The following MAP3K10 variants were observed in gnomAD, a reference collection of about 807,000 sequenced individuals.
MAP3K10 encodes MKN28 derived nonreceptor_type serine/threonine kinase.
In MAP3K10, 22 loss-of-function variants were observed where a neutral mutation model predicts 75.0. The ratio of observed to expected loss-of-function variants is 0.29; its 90% CI spans 0.21 to 0.42. The LOEUF is 0.42. Among genes scored for constraint, MAP3K10 ranks in the 10% least tolerant of loss-of-function variants. The pLI, the probability that MAP3K10 is intolerant of heterozygous loss-of-function variation, is 1.00. For synonymous variants in MAP3K10, 599 were observed against 612.9 expected, an observed-to-expected ratio of 0.98 and a Z score of 0.34; for missense variants, 1,165 against 1,379.8, an observed-to-expected ratio of 0.84 and a Z score of 2.47.
At position 40,213,055 on chromosome 19, in the gene MAP3K10, A is replaced by T. The variant is rs767406716; in HGVS notation, c.1725-21A>T. On this transcript the variant is annotated intron_variant, in intron 7 of 9. Coordinates refer to ENST00000253055, the MANE Select transcript of MAP3K10 (RefSeq NM_002446.4). This position sits in a 1 kb window ranked among gnomAD's most constrained non-coding sequence, Gnocchi z 5.7. ...TCCAGGCCACAGGACTGAGGTCTCCATCTCTCCCTGGACCCCGCAGGCTGA... is the reference window on the plus strand; with the variant it reads ...TCCAGGCCACAGGACTGAGGTCTCCTTCTCTCCCTGGACCCCGCAGGCTGA... 1.2e-6 allele frequency: 2 copies of T among 1,603,024 alleles called. No individual in the cohort carries two copies. Among genetic ancestry groups the T allele is most frequent in the East Asian group, 2.2e-5 (1 of 44,762 alleles).
In MAP3K10 at chr19:40,212,548, G is replaced by A. The variant is rs752360146; in HGVS notation, c.1553-257G>A. 1.1e-4 allele frequency among the ~76,000 whole-genome samples: 17 copies of A among 152,232 alleles called. No individual in the cohort carries two copies. Among genetic ancestry groups the A allele is most frequent in the South Asian group, 6.2e-4 (3 of 4,828 alleles). Reference sequence around the variant, plus strand: ...AGAATGAATGGTGAAGGGTTAGGCTGTGAAGAGGAGGGGAGGCTGGAGGAG... The same window carrying A: ...AGAATGAATGGTGAAGGGTTAGGCTATGAAGAGGAGGGGAGGCTGGAGGAG... On this transcript the variant is annotated intron_variant, in intron 6 of 9. Coordinates refer to ENST00000253055, the MANE Select transcript of MAP3K10 (RefSeq NM_002446.4). The surrounding 1 kb of genome is among the most constrained non-coding windows in gnomAD (Gnocchi z 4.2).
chr19:40,195,775 A>C (rs1462698101), intron 1 of MAP3K10, among the ~76,000 whole-genome samples: 1 of 152,046 alleles, frequency 6.6e-6, no homozygotes, highest in Non-Finnish European at 1.5e-5. Flanking sequence ...GATTACAGGC[A>C]TGAGCCACCG....
chr19:40,211,065 A>G (rs183821357), intron 6 of MAP3K10, among the ~76,000 whole-genome samples: 5 of 152,298 alleles, frequency 3.3e-5, no homozygotes, highest in Admixed American at 6.5e-5. Context: ...TGGAAGCCCT[A>G]TGGGAGGAGG....
intron 6 of MAP3K10, among the ~76,000 whole-genome samples, chr19:40,209,822 T>C (rs1199316829): frequency 6.6e-6 from 1 of 152,126 alleles, no homozygotes; most frequent in Non-Finnish European, 1.5e-5. Flanking sequence ...CAACAGCATA[T>C]GTTTAGATAT....
intron 9 of MAP3K10, 38 bp downstream of exon 9, chr19:40,214,259 CCTT>C (rs1347603826): frequency 3.7e-6 from 5 of 1,364,028 alleles, no homozygotes; most frequent in Non-Finnish European, 4.7e-6. Flanking sequence ...ACAGAAAACC[CCTT>C]CTTTCCTCCT....
chr19:40,213,416 G>T lies in MAP3K10; in HGVS notation c.1838-101G>T. The T allele has an allele frequency of 1.3e-6, 2 of 1,524,808 alleles. No individual in the cohort carries two copies. Among genetic ancestry groups the T allele is most frequent in the Admixed American group, 2.0e-5 (1 of 49,278 alleles). The allele number at this position is 1,524,808 out of a possible 1,614,324, so 94.5% of individuals were successfully genotyped here. A position where few individuals can be genotyped will look rare whatever the true frequency, so the allele number is the denominator to read the frequency against. On this transcript the variant is annotated intron_variant, in intron 8 of 9. Coordinates refer to ENST00000253055, the MANE Select transcript of MAP3K10 (RefSeq NM_002446.4). This position sits in a 1 kb window ranked among gnomAD's most constrained non-coding sequence, Gnocchi z 5.7. ...TCAAGAACGATGCTCGTGGGTCTTG[G>T]TCTTGCTGTTGGAGGGGTCATCGGG... is the stretch of plus-strand genomic sequence containing the variant.
Position 40,212,937 on chromosome 19 carries a change from G to C in MAP3K10, c.1685G>C (p.Ser562Thr). Residue 562 changes from serine to threonine, a missense_variant, in exon 7 of 10, where the codon AGC becomes ACC. This residue lies in a region of MAP3K10 where 575 missense variants were observed against 793.2 expected (regional missense o/e 0.72). Coordinates refer to ENST00000253055, the MANE Select transcript of MAP3K10 (RefSeq NM_002446.4). The surrounding 1 kb of genome is among the most constrained non-coding windows in gnomAD (Gnocchi z 4.2). ...GKKKGRTWGPSSTLQKERVGG... is the reference protein window; with the variant it reads ...GKKKGRTWGPTSTLQKERVGG... ...AAGAAGGGACGAACGTGGGGGCCCA[G>C]CTCCACCCTGCAGAAGGAGCGGGTG... 1.2e-6 allele frequency: 2 copies of C among 1,611,568 alleles called. No homozygotes were observed. The highest frequency in any genetic ancestry group is 1.7e-6 in the Non-Finnish European group (2 of 1,178,830).
Position 40,214,163 on chromosome 19 carries a change from G to T in MAP3K10, c.2484G>T (p.Thr828=). The T allele has an allele frequency of 6.6e-7, 1 of 1,520,400 alleles. No individual in the cohort carries two copies. The highest frequency in any genetic ancestry group is 8.8e-7 in the Non-Finnish European group (1 of 1,142,480). The allele number at this position is 1,520,400 out of a possible 1,614,324, so 94.2% of individuals were successfully genotyped here. A position where few individuals can be genotyped will look rare whatever the true frequency, so the allele number is the denominator to read the frequency against. ...CTGTGAGCCGCGGGCACCGGCGGAC[G>T]CCATCGGACGGGGCGCTGGGGCAGC... The part of the protein sequence containing the change: ...ACAVSRGHRR[T]PSDGALGQRG... The change falls in exon 9 of 10, where the codon ACG becomes ACT. Residue 828 remains threonine (T), a synonymous_variant. Coordinates refer to ENST00000253055, the MANE Select transcript of MAP3K10 (RefSeq NM_002446.4).
intron 9 of MAP3K10, among the ~76,000 whole-genome samples, chr19:40,214,550 T>C (rs1039494197): frequency 7.2e-5 from 11 of 152,218 alleles, no homozygotes; most frequent in African/African-American, 2.7e-4. Flanking sequence ...AGCAGTGTTA[T>C]TAAGTACCCA....
intron 1 of MAP3K10, among the ~76,000 whole-genome samples, chr19:40,193,513 A>C (rs1320908021): frequency 6.6e-6 from 1 of 152,204 alleles, no homozygotes; most frequent in Non-Finnish European, 1.5e-5. Context: ...ATGTGGTGTC[A>C]ACAAGTATTA....
chr19:40,209,705 C>T (rs1397454882), intron 6 of MAP3K10, among the ~76,000 whole-genome samples: 2 of 152,056 alleles, frequency 1.3e-5, no homozygotes, highest in African/African-American at 2.4e-5. Flanking sequence ...TGAGCCACCG[C>T]GCCCGGGCGC....
intron 5 of MAP3K10, among the ~76,000 whole-genome samples, chr19:40,206,879 A>G (rs1973132382): frequency 6.6e-6 from 1 of 152,114 alleles, no homozygotes; most frequent in South Asian, 2.1e-4. Context: ...AGATCACTTG[A>G]GGCTAGGAGT....
Position 40,213,680 on chromosome 19 carries a change from C to T in MAP3K10, c.2001C>T (p.Ala667=). The T allele has an allele frequency of 1.8e-6, 2 of 1,110,358 alleles. No homozygotes were observed. Among genetic ancestry groups the T allele is most frequent in the Non-Finnish European group, 2.2e-6 (2 of 906,878 alleles). 68.8% of individuals were successfully genotyped at this position (1,110,358 alleles called of 1,614,324 possible). A position where few individuals can be genotyped will look rare whatever the true frequency, so the allele number is the denominator to read the frequency against. ...SAPPARWGHG[A]RRRCDLALLG... is the part of the protein sequence containing the mutation. ...CCCCCGCTCGGTGGGGACACGGCGC[C>T]CGGCGGCGCTGCGACCTGGCGCTGC... The change falls in exon 9 of 10, where the codon GCC becomes GCT. Residue 667 remains alanine, a synonymous_variant. Transcript: ENST00000253055. This position sits in a 1 kb window ranked among gnomAD's most constrained non-coding sequence, Gnocchi z 5.7.
At position 40,192,222 on chromosome 19, in the gene MAP3K10, C is replaced by T; in HGVS notation, c.191C>T (p.Pro64Leu). 1 of 1,606,198 alleles carries T rather than the reference C, an allele frequency of 6.2e-7. No homozygotes were observed. The highest frequency in any genetic ancestry group is 1.1e-5 in the South Asian group (1 of 90,318). The stretch of plus-strand genomic sequence containing the variant: ...GAGGGCTGGTGGACCGGGCAGCTCC[C>T]CAGCGGCCGCGTGGGCGTCTTCCCC... ...GDEGWWTGQL[P>L]SGRVGVFPSN... The change falls in exon 1 of 10, where the codon CCC becomes CTC. Residue 64 changes from proline (P) to leucine (L), a missense_variant. Physicochemically the swap from Pro to Leu is moderately conservative, Grantham distance 98 (BLOSUM62 -3). Transcript: ENST00000253055. This position sits in a 1 kb window ranked among gnomAD's most constrained non-coding sequence, Gnocchi z 7.1.
At chr19:40,209,570 G>A (rs947555994) in intron 6 of MAP3K10, among the ~76,000 whole-genome samples, 8 of 151,798 alleles carry the variant, frequency 5.3e-5, no homozygotes, top group African/African-American at 9.7e-5. Context: ...ACATGACCAC[G>A]CCTGCCTAAT....
chr19:40,209,996 G>A (rs139087067), intron 6 of MAP3K10, among the ~76,000 whole-genome samples: 156 of 152,124 alleles, frequency 1.0e-3, no homozygotes, highest in African/African-American at 3.1e-3. Flanking sequence ...GGCCAGGCGC[G>A]GTGGCTCACG....
At chr19:40,202,896 A>G (rs1315243815) in intron 2 of MAP3K10, among the ~76,000 whole-genome samples, 1 of 152,232 alleles carries the variant, frequency 6.6e-6, no homozygotes, top group Non-Finnish European at 1.5e-5. Context: ...AGGAGAATGG[A>G]AAATTCATGC....
In MAP3K10 at chr19:40,214,002, TCCCC is replaced by T; in HGVS notation, c.2324_2327del (p.Ser775TyrfsTer46). On this transcript the variant is annotated frameshift_variant, in exon 9 of 10. Transcript: ENST00000253055. LOFTEE classifies it high-confidence loss of function. ...TGACGAGGCCGCACCGGCCGCGCCCTCCCCACCACCCTCCCCGCCCGCGCCCACA... is the reference window on the plus strand; with the variant it reads ...TGACGAGGCCGCACCGGCCGCGCCCTACCACCCTCCCCGCCCGCGCCCACA... 2.0e-5 allele frequency: 30 copies of T among 1,493,554 alleles called. No individual in the cohort carries two copies. Among genetic ancestry groups the T allele is most frequent in the East Asian group, 7.9e-5 (3 of 37,782 alleles). 92.5% of individuals were successfully genotyped at this position (1,493,554 alleles called of 1,614,324 possible). A position where few individuals can be genotyped will look rare whatever the true frequency, so the allele number is the denominator to read the frequency against.
rs1009690744 is a variant in MAP3K10 at position 40,205,772 on chromosome 19, G to T, written c.1189-139G>T. On this transcript the variant is annotated intron_variant, in intron 4 of 9. Coordinates refer to ENST00000253055, the MANE Select transcript of MAP3K10 (RefSeq NM_002446.4). This position sits in a 1 kb window ranked among gnomAD's most constrained non-coding sequence, Gnocchi z 4.3. Reference sequence around the variant, plus strand: ...GCACCCAGCTTGGCTAGCAAAGCATGAGTCGGGTGGTGAAACCAGTGTACC... The same window carrying T: ...GCACCCAGCTTGGCTAGCAAAGCATTAGTCGGGTGGTGAAACCAGTGTACC... 7 of 911,660 alleles carry T rather than the reference G, an allele frequency of 7.7e-6. No homozygotes were observed. The highest frequency in any genetic ancestry group is 9.4e-6 in the Non-Finnish European group (6 of 636,894). The allele number at this position is 911,660 out of a possible 1,614,324, so 56.5% of individuals were successfully genotyped here.
Sources: allele counts gnomAD v4.1 joint callset (sites outside exome capture counted in the v4.1 genomes callset), GRCh38; gene constraint gnomAD v4.1.1; regional missense constraint gnomAD v4.1.1; non-coding constraint Gnocchi (gnomAD v3.1); transcripts MANE v1.5; gene names NCBI Gene and HGNC (gene_info 2026-07-23, HGNC 2026-07-21).